The following CACNB4 variants were observed in gnomAD, a reference collection of about 807,000 sequenced individuals.
CACNB4 encodes voltage-dependent L-type calcium channel subunit beta-4.
A neutral mutation model predicts 71.2 loss-of-function variants in CACNB4; 32 were observed. The observed-to-expected ratio is 0.45, with a 90% CI of 0.34 to 0.60. The LOEUF is 0.60. CACNB4 is among the 20% of genes least tolerant of loss of function. The pLI is 0.01. For synonymous variants in CACNB4, 231 were observed against 236.9 expected (o/e 0.97, Z 0.23); for missense variants, 464 against 647.9 (o/e 0.72, Z 3.08).
chr2:151,847,414 G>A (rs1299104860), intron 12 of CACNB4, among the ~76,000 whole-genome samples: 1 of 152,040 alleles, frequency 6.6e-6, no homozygotes, highest in African/African-American at 2.4e-5. Context: ...GGCAAGTACT[G>A]TTCAGTAAAA....
intron 2 of CACNB4, among the ~76,000 whole-genome samples, chr2:152,086,640 T>C (rs2105445864): frequency 6.6e-6 from 1 of 152,350 alleles, no homozygotes; most frequent in East Asian, 1.9e-4. Context: ...AGGAAGCATT[T>C]TGAATTGTAA....
Position 151,834,568 on chromosome 2 carries a change from C to T in CACNB4, c.*4551G>A, listed in dbSNP as rs2099834483. 6.6e-6 allele frequency: 1 copy of T among 151,900 alleles called. No individual in the cohort carries two copies. The highest frequency in any genetic ancestry group is 1.5e-5 in the Non-Finnish European group (1 of 67,820). The allele number at this position is 151,900 out of a possible 1,614,324, so 9.4% of individuals were successfully genotyped here. A position where few individuals can be genotyped will look rare whatever the true frequency, so the allele number is the denominator to read the frequency against. On this transcript the variant is annotated 3_prime_UTR_variant, in exon 14 of 14. Transcript: ENST00000539935. Reference sequence around the variant, plus strand: ...AAGTCCATTTTAATAAAAGAAGAAACTTTTAAAAGTAATTTTTGAATGCTG... The same window carrying T: ...AAGTCCATTTTAATAAAAGAAGAAATTTTTAAAAGTAATTTTTGAATGCTG...
rs565793311 is a variant in CACNB4, at chr2:151,833,777, T to G, written c.*5342A>C. ...TTTGTGCTATAACAAATGTGCTTCT[T>G]TCTCCTCAATCTATTTTTATATTAT... On this transcript the variant is annotated 3_prime_UTR_variant, in exon 14 of 14. Transcript: ENST00000539935. 5.9e-5 allele frequency: 9 copies of G among 152,258 alleles called. No individual in the cohort carries two copies. The highest frequency in any genetic ancestry group is 1.7e-4 in the African/African-American group (7 of 41,584). 9.4% of individuals were successfully genotyped at this position (152,258 alleles called of 1,614,324 possible).
chr2:151,981,560 G>A lies in CACNB4; in HGVS notation c.148-98190C>T, dbSNP rs75345339. Among the ~76,000 whole-genome samples the A allele has an allele frequency of 4.0e-3, 616 of 152,216 alleles. 4 individuals carry two copies. The highest frequency in any genetic ancestry group is 6.0e-3 in the Non-Finnish European group (408 of 68,018). On this transcript the variant is annotated intron_variant, in intron 2 of 13. Coordinates refer to ENST00000539935, the MANE Select transcript of CACNB4 (RefSeq NM_000726.5). ...GGAAGAGGGGATATTGGTAGATAAT[G>A]GATAGATGGTAGCAATAAGGTCCTG... is the stretch of plus-strand genomic sequence containing the variant.
chr2:151,918,745 A>G (rs1489042958), intron 2 of CACNB4, among the ~76,000 whole-genome samples: 1 of 152,210 alleles, frequency 6.6e-6, no homozygotes, highest in East Asian at 1.9e-4. Flanking sequence ...TCCAAATCAA[A>G]CCTATATCTG....
At chr2:152,020,243 C>A (rs1352614877) in intron 2 of CACNB4, among the ~76,000 whole-genome samples, 3 of 152,206 alleles carry the variant, frequency 2.0e-5, no homozygotes, top group Non-Finnish European at 4.4e-5. Context: ...GGCTATCAGG[C>A]ATTTCTATGT....
At chr2:151,898,618 A>T (rs569945033) in intron 2 of CACNB4, among the ~76,000 whole-genome samples, 3 of 152,346 alleles carry the variant, frequency 2.0e-5, no homozygotes, top group Non-Finnish European at 2.9e-5. Context: ...GCTATTTTTT[A>T]AAAATTCTAT....
At chr2:151,870,369 A>G (rs1168985568) in intron 8 of CACNB4, 162 bp downstream of exon 8, 4 of 710,276 alleles carry the variant, frequency 5.6e-6, no homozygotes, top group Non-Finnish European at 1.0e-5. Context: ...AAGAAAGGGC[A>G]GAGGGCCTCA....
chr2:151,928,273 T>G (rs1024534484), intron 2 of CACNB4, among the ~76,000 whole-genome samples: 2 of 152,240 alleles, frequency 1.3e-5, no homozygotes, highest in Non-Finnish European at 2.9e-5. Context: ...CAGGAGCTTT[T>G]GACCAGTTTG....
At chr2:151,952,251 C>T (rs1448261275) in intron 2 of CACNB4, among the ~76,000 whole-genome samples, 1 of 152,076 alleles carries the variant, frequency 6.6e-6, no homozygotes, top group Non-Finnish European at 1.5e-5. Flanking sequence ...AAATAACATA[C>T]AAAGCAGCCC....
At chr2:151,927,641 T>A (rs2099860584) in intron 2 of CACNB4, among the ~76,000 whole-genome samples, 2 of 152,192 alleles carry the variant, frequency 1.3e-5, no homozygotes, top group South Asian at 4.1e-4. Context: ...CACTGAAAAC[T>A]CACTTGAGAT....
At chr2:152,018,407 G>A (rs917031947) in intron 2 of CACNB4, among the ~76,000 whole-genome samples, 2 of 152,042 alleles carry the variant, frequency 1.3e-5, no homozygotes, top group African/African-American at 2.4e-5. Context: ...TTCTCATAAC[G>A]TGGTAAAAAT....
intron 2 of CACNB4, among the ~76,000 whole-genome samples, chr2:151,900,577 G>GCAGAT (rs1361229223): frequency 6.6e-6 from 1 of 152,206 alleles, no homozygotes; most frequent in Non-Finnish European, 1.5e-5. Context: ...TAGAATAAAT[G>GCAGAT]CAGATCACAG....
At chr2:152,074,293 C>T (rs1686871227) in intron 2 of CACNB4, among the ~76,000 whole-genome samples, 4 of 151,796 alleles carry the variant, frequency 2.6e-5, no homozygotes, top group African/African-American at 9.7e-5. Flanking sequence ...AACATCACCA[C>T]CATCACCGCT....
At chr2:152,042,736 C>T (rs1234320452) in intron 2 of CACNB4, among the ~76,000 whole-genome samples, 1 of 152,028 alleles carries the variant, frequency 6.6e-6, no homozygotes, top group Non-Finnish European at 1.5e-5. Flanking sequence ...TGAACCAGAG[C>T]AACTCCATCT....
intron 6 of CACNB4, chr2:151,871,115 T>G: frequency 1.9e-6 from 1 of 518,076 alleles, no homozygotes; most frequent in Non-Finnish European, 3.4e-6. Context: ...GGGAATTGGG[T>G]ACAGGAGTTG....
At chr2:151,954,702 G>C (rs1415935827) in intron 2 of CACNB4, among the ~76,000 whole-genome samples, 1 of 152,048 alleles carries the variant, frequency 6.6e-6, no homozygotes, top group Non-Finnish European at 1.5e-5. Flanking sequence ...AAATAAAAGA[G>C]AAGAAGTTGA....
chr2:151,955,830 A>G (rs922691151), intron 2 of CACNB4, among the ~76,000 whole-genome samples: 4 of 152,048 alleles, frequency 2.6e-5, no homozygotes, highest in Admixed American at 2.6e-4. Context: ...TGAGCCCAAG[A>G]TGTCAAGGCT....
At chr2:152,039,140 C>T (rs10930888) in intron 2 of CACNB4, among the ~76,000 whole-genome samples, 38,917 of 151,892 alleles carry the variant, frequency 0.26, 6,975 homozygotes, top group East Asian at 0.73. Flanking sequence ...ATTATTGGGC[C>T]GAGCGCGGTG....
Sources: gnomAD v4.1 joint callset for allele counts (sites outside exome capture counted in the v4.1 genomes callset) on GRCh38, gnomAD v4.1.1 for gene constraint, MANE v1.5 for transcripts, NCBI Gene and HGNC (gene_info 2026-07-23, HGNC 2026-07-21) for gene names.